ACAD10: variants seen among roughly 807,000 people sequenced by gnomAD.
ACAD10 encodes the protein acyl-CoA dehydrogenase family member 10.
In ACAD10, 112 loss-of-function variants were observed where a neutral mutation model predicts 116.8. The ratio of observed to expected loss-of-function variants is 0.96; its 90% confidence interval spans 0.82 to 1.12. The LOEUF is 1.12. Among genes scored for constraint, ACAD10 ranks in the 50% most tolerant of loss-of-function variants. ACAD10 has a pLI of 0.00. For missense variants in ACAD10, 1,259 were observed against 1,350.2 expected, an observed-to-expected ratio of 0.93 and a Z score of 1.06; for synonymous variants, 486 against 510.6, an observed-to-expected ratio of 0.95 and a Z score of 0.65.
intron 1 of ACAD10, among the ~76,000 whole-genome samples, chr12:111,688,575 G>T (rs1268511213): frequency 6.6e-6 from 1 of 152,082 alleles, no homozygotes; most frequent in African/African-American, 2.4e-5. Flanking sequence ...GCCGAGGCCG[G>T]TGGATCACTT....
intron 12 of ACAD10, among the ~76,000 whole-genome samples, chr12:111,738,446 CAAA>C (rs752828322): frequency 3.4e-4 from 17 of 49,516 alleles, no homozygotes; most frequent in Admixed American, 8.9e-4. Flanking sequence ...GACTCTGTCT[CAAA>C]AAAAAAAAAA....
At position 111,729,833 on chromosome 12, in the gene ACAD10, C is replaced by CAGTAT; in HGVS notation, c.1271_1272insAGTAT (p.Trp425ValfsTer21). 6.2e-7 allele frequency: 1 copy of CAGTAT among 1,614,096 alleles called. No individual in the cohort carries two copies. Among genetic ancestry groups the CAGTAT allele is most frequent in the Non-Finnish European group, 8.5e-7 (1 of 1,180,004 alleles). On this transcript the variant is annotated frameshift_variant, in exon 10 of 21. Coordinates refer to ENST00000313698, the MANE Select transcript of ACAD10 (RefSeq NM_025247.6). LOFTEE classifies it high-confidence loss of function. ...GACTATATTCCACGCCAGGTACGAA[C>CAGTAT]CTGGGTTAAGCAGTATCGAGCTTCC... is the stretch of plus-strand genomic sequence containing the variant.
At chr12:111,749,720 C>T in intron 18 of ACAD10, 1 of 169,548 alleles carries the variant, frequency 5.9e-6, no homozygotes, top group Non-Finnish European at 1.2e-5. Flanking sequence ...TGAAGCCAAG[C>T]ATTTGAGACC....
chr12:111,712,412 G>A (rs1382320209), intron 5 of ACAD10, 86 bp from the exon 6 acceptor site: 17 of 1,202,976 alleles, frequency 1.4e-5, no homozygotes, highest in East Asian at 7.0e-5. Flanking sequence ...AAATATATAC[G>A]TGTATATATT....
At chr12:111,725,660 A>G (rs993214887) in intron 8 of ACAD10, among the ~76,000 whole-genome samples, 2 of 151,758 alleles carry the variant, frequency 1.3e-5, no homozygotes, top group Admixed American at 1.3e-4. Flanking sequence ...TTAGCCTCCC[A>G]AGTAGCTGGG....
At chr12:111,747,953 A>G (rs547410018) in intron 16 of ACAD10, among the ~76,000 whole-genome samples, 1 of 152,242 alleles carries the variant, frequency 6.6e-6, no homozygotes, top group South Asian at 2.1e-4. Context: ...CCCAGAGTCA[A>G]AGGTTCACCT....
intron 6 of ACAD10, among the ~76,000 whole-genome samples, chr12:111,714,954 G>A (rs1888798138): frequency 6.6e-6 from 1 of 152,058 alleles, no homozygotes. Context: ...AATCTCAGGT[G>A]ATCTACCCGC....
At chr12:111,704,149 AT>A (rs1295260472) in intron 3 of ACAD10, among the ~76,000 whole-genome samples, 4 of 144,278 alleles carry the variant, frequency 2.8e-5, no homozygotes, top group Admixed American at 6.9e-5. Flanking sequence ...TTTTTTTTTA[AT>A]TTTTTTTTTG....
intron 9 of ACAD10, 29 bp from the exon 10 acceptor site, chr12:111,729,777 A>T: frequency 1.3e-6 from 2 of 1,597,020 alleles, no homozygotes; most frequent in South Asian, 1.1e-5. Context: ...CTGAAATTGC[A>T]CACCAAGTTC....
chr12:111,755,720 C>T lies in ACAD10; in HGVS notation c.3014C>T (p.Ser1005Phe), dbSNP rs746451494. 2 of 1,613,922 alleles carry T rather than the reference C, an allele frequency of 1.2e-6. No homozygotes were observed. The highest frequency in any genetic ancestry group is 1.7e-6 in the Non-Finnish European group (2 of 1,179,950). Reference sequence around the variant, plus strand: ...AAAATGGTCGCCCCGTCCATGGCCTCCCGAGTGATTGATCGTGCGATTCAG... The same window carrying T: ...AAAATGGTCGCCCCGTCCATGGCCTTCCGAGTGATTGATCGTGCGATTCAG... ...MIKMVAPSMA[S>F]RVIDRAIQAF... is the part of the protein sequence containing the mutation. The change falls in exon 20 of 21, where the codon TCC becomes TTC. Residue 1005 changes from serine (S) to phenylalanine (F), a missense_variant. By Grantham distance (155) the Ser-to-Phe change is radical. Transcript: ENST00000313698.
chr12:111,719,189 A>G (rs927116930), intron 7 of ACAD10, among the ~76,000 whole-genome samples: 6 of 151,966 alleles, frequency 3.9e-5, no homozygotes, highest in Non-Finnish European at 8.8e-5. Flanking sequence ...TTTTTTCTTG[A>G]TATTATATGT....
intron 19 of ACAD10, among the ~76,000 whole-genome samples, chr12:111,754,161 C>G (rs928753589): frequency 6.6e-6 from 1 of 152,126 alleles, no homozygotes; most frequent in Non-Finnish European, 1.5e-5. Flanking sequence ...CCTGGGTGGC[C>G]CTGGACTCCC....
chr12:111,726,748 C>T (rs1889224799), intron 8 of ACAD10, among the ~76,000 whole-genome samples: 2 of 152,104 alleles, frequency 1.3e-5, no homozygotes, highest in African/African-American at 4.8e-5. Context: ...GTAGTTTCAG[C>T]TATTCGGGAT....
chr12:111,708,821 T>C (rs1254770048), intron 4 of ACAD10, among the ~76,000 whole-genome samples: 2 of 152,026 alleles, frequency 1.3e-5, no homozygotes. Flanking sequence ...CTGAGAAGGC[T>C]TTCCCGTGTT....
At chr12:111,727,042 A>G (rs921581765) in intron 8 of ACAD10, among the ~76,000 whole-genome samples, 3 of 151,978 alleles carry the variant, frequency 2.0e-5, no homozygotes, top group East Asian at 1.9e-4. Context: ...CCTGGCCAAT[A>G]TGGTGAAACC....
chr12:111,747,282 G>C lies in ACAD10; in HGVS notation c.2395-13G>C, dbSNP rs1412694617. 2.5e-6 allele frequency: 4 copies of C among 1,613,940 alleles called. No homozygotes were observed. The highest frequency in any genetic ancestry group is 3.4e-6 in the Non-Finnish European group (4 of 1,179,946). Reference sequence around the variant, plus strand: ...CTGCTGGCGTCTCTGACTGGAATATGCTCCCCACTCAGGTTGCCTCTTCAG... The same window carrying C: ...CTGCTGGCGTCTCTGACTGGAATATCCTCCCCACTCAGGTTGCCTCTTCAG... On this transcript the variant is annotated splice_polypyrimidine_tract_variant and intron_variant, in intron 15 of 20. Coordinates refer to ENST00000313698, the MANE Select transcript of ACAD10 (RefSeq NM_025247.6).
chr12:111,736,060 A>G (rs1437487257), intron 11 of ACAD10, among the ~76,000 whole-genome samples: 1 of 151,386 alleles, frequency 6.6e-6, no homozygotes, highest in Non-Finnish European at 1.5e-5. Context: ...TTGTATTTTC[A>G]GTAGAGACAG....
At chr12:111,740,334 G>A (rs181518573) in intron 12 of ACAD10, among the ~76,000 whole-genome samples, 5 of 150,880 alleles carry the variant, frequency 3.3e-5, no homozygotes, top group Admixed American at 6.6e-5. Flanking sequence ...TGGTGATGCC[G>A]CCTATAATCC....
rs1477236620 is a variant in ACAD10, at chr12:111,756,760, C to G, written c.*287C>G. ...TTCAGGCTCTCAGTCCCAGGCTGGG[C>G]AGGCACGGTCACTTCACTTCAGCCT... On this transcript the variant is annotated 3_prime_UTR_variant, in exon 21 of 21. Transcript: ENST00000313698. 2.4e-5 allele frequency: 14 copies of G among 575,930 alleles called. No homozygotes were observed. The East Asian group carries it at 5.7e-4, about 24-fold the overall frequency. 35.7% of individuals were successfully genotyped at this position (575,930 alleles called of 1,614,324 possible).
Sources: gnomAD v4.1 joint callset for allele counts (sites outside exome capture counted in the v4.1 genomes callset) on GRCh38, gnomAD v4.1.1 for gene constraint, MANE v1.5 for transcripts, NCBI Gene and HGNC (gene_info 2026-07-23, HGNC 2026-07-21) for gene names.